The following UQCRC2 variants were observed in gnomAD, a reference collection of about 807,000 sequenced individuals.
UQCRC2 encodes ubiquinol-cytochrome c reductase core protein 2, also known as cytochrome b-c1 complex subunit 2, mitochondrial.
In UQCRC2, 49 loss-of-function variants were observed where a neutral mutation model predicts 55.6. The ratio of observed to expected loss-of-function variants is 0.88; its 90% confidence interval spans 0.70 to 1.12. UQCRC2 has a LOEUF of 1.12. UQCRC2 is among the 50% of genes most tolerant of loss of function. The pLI is 0.00. For missense variants in UQCRC2, 506 were observed against 547.8 expected, an observed-to-expected ratio of 0.92 and a Z score of 0.76; for synonymous variants, 193 against 192.0, an observed-to-expected ratio of 1.01 and a Z score of -0.04.
chr16:21,974,020 T>TC (rs1555515810), intron 11 of UQCRC2, 44 bp downstream of exon 11: 4 of 1,489,654 alleles, frequency 2.7e-6, no homozygotes. Context: ...ACAAGTTATT[T>TC]CTCCCCCCCG....
Position 21,980,655 on chromosome 16 carries a change from A to G in UQCRC2, c.1233A>G (p.Thr411=), listed in dbSNP as rs770305624. Residue 411 remains threonine, a synonymous_variant, in exon 13 of 14, where the codon ACA becomes ACG. Transcript: ENST00000268379. ...LVAGSYMPPS[T]VLQQIDSVAN... is the part of the protein sequence containing the mutation. ...CTGGTTCTTACATGCCACCATCCAC[A>G]GTCCTTCAGCAGATTGATTCAGTGG... The G allele has an allele frequency of 6.2e-7, 1 of 1,614,226 alleles. No individual in the cohort carries two copies. Among genetic ancestry groups the G allele is most frequent in the Admixed American group, 1.7e-5 (1 of 60,022 alleles).
At position 21,980,466 on chromosome 16, in the gene UQCRC2, T is replaced by G. The variant is rs1898690802; in HGVS notation, c.1125-81T>G. 8 of 1,482,126 alleles carry G rather than the reference T, an allele frequency of 5.4e-6. No individual in the cohort carries two copies. The South Asian group carries it at 1.0e-4, about 19-fold the overall frequency. The allele number at this position is 1,482,126 out of a possible 1,614,324, so 91.8% of individuals were successfully genotyped here. A position where few individuals can be genotyped will look rare whatever the true frequency, so the allele number is the denominator to read the frequency against. ...CTATCCATTAAATAAAGCTTTGATG[T>G]TCACAGCCCCCCGCCACCACTCAGA... is the stretch of plus-strand genomic sequence containing the variant. On this transcript the variant is annotated intron_variant, in intron 12 of 13. Transcript: ENST00000268379.
At chr16:21,957,175 CT>C in intron 1 of UQCRC2, 59 bp from the exon 2 acceptor site, 2 of 1,555,714 alleles carry the variant, frequency 1.3e-6, no homozygotes, top group Non-Finnish European at 1.8e-6. Flanking sequence ...AGATACCATG[CT>C]TTTATATAAA....
chr16:21,958,614 T>A lies in UQCRC2; in HGVS notation c.332+15T>A. 1.9e-6 allele frequency: 3 copies of A among 1,602,554 alleles called. No individual in the cohort carries two copies. Among genetic ancestry groups the A allele is most frequent in the Non-Finnish European group, 2.6e-6 (3 of 1,173,274 alleles). On this transcript the variant is annotated intron_variant, in intron 4 of 13. Coordinates refer to ENST00000268379, the MANE Select transcript of UQCRC2 (RefSeq NM_003366.4). ...GGCAAATTAAGGTTTGTTAAATAAG[T>A]AATAGAAAATAGTGAAAATGCCAGA...
chr16:21,978,707 G>A (rs1044801577), intron 12 of UQCRC2, among the ~76,000 whole-genome samples: 6 of 152,158 alleles, frequency 3.9e-5, no homozygotes, highest in Admixed American at 1.3e-4. Context: ...TAACGTAAAC[G>A]GTTCACGTAC....
chr16:21,962,336 T>A, intron 4 of UQCRC2, 124 bp from the exon 5 acceptor site: 4 of 1,144,612 alleles, frequency 3.5e-6, no homozygotes, highest in Non-Finnish European at 3.7e-6. Flanking sequence ...TTTTGTTATA[T>A]TATTGTTCGC....
At chr16:21,974,541 T>C (rs1197139198) in intron 11 of UQCRC2, among the ~76,000 whole-genome samples, 1 of 152,188 alleles carries the variant, frequency 6.6e-6, no homozygotes, top group Non-Finnish European at 1.5e-5. Flanking sequence ...TTCAGCAAGC[T>C]AGGACATCAT....
At chr16:21,955,548 C>T (rs6497563) in intron 1 of UQCRC2, among the ~76,000 whole-genome samples, 102,854 of 152,102 alleles carry the variant, frequency 0.68, 36,610 homozygotes, top group Non-Finnish European at 0.8. Context: ...CATTGTATAA[C>T]ATTTGCCAAA....
At chr16:21,982,033 G>A (rs1421871709) in intron 13 of UQCRC2, among the ~76,000 whole-genome samples, 1 of 151,608 alleles carries the variant, frequency 6.6e-6, no homozygotes, top group Non-Finnish European at 1.5e-5. Context: ...GTAGAGACGG[G>A]GTTTTACCAT....
chr16:21,982,076 G>A (rs1036998960), intron 13 of UQCRC2, among the ~76,000 whole-genome samples: 4 of 151,858 alleles, frequency 2.6e-5, no homozygotes, highest in Admixed American at 1.3e-4. Flanking sequence ...TCCTGACCTC[G>A]TGATCCACCC....
chr16:21,970,895 G>GA (rs143523841), intron 8 of UQCRC2, among the ~76,000 whole-genome samples: 1 of 152,096 alleles, frequency 6.6e-6, no homozygotes, highest in East Asian at 1.9e-4. Flanking sequence ...CAACTTTGGA[G>GA]AAATGTCTAT....
intron 3 of UQCRC2, 56 bp from the exon 4 acceptor site, chr16:21,958,479 G>A: frequency 2.0e-6 from 3 of 1,523,668 alleles, no homozygotes; most frequent in Non-Finnish European, 2.7e-6. Flanking sequence ...ATAGTGTGAT[G>A]TTTGGCAAAC....
chr16:21,966,815 C>T (rs921586969), intron 7 of UQCRC2, among the ~76,000 whole-genome samples: 2 of 152,158 alleles, frequency 1.3e-5, no homozygotes, highest in South Asian at 2.1e-4. Flanking sequence ...AGTTTATCTA[C>T]AAGGATGGCT....
Position 21,972,111 on chromosome 16 carries a change from C to T in UQCRC2, c.955C>T (p.Gln319Ter), listed in dbSNP as rs776921912. ...LHQAVAKATQ[Q>*]PFDVSAFNAS... ...CCAGGCTGTTGCCAAGGCAACTCAGCAGCCATTTGATGTGAGTCTGAACAG... is the reference window on the plus strand; with the variant it reads ...CCAGGCTGTTGCCAAGGCAACTCAGTAGCCATTTGATGTGAGTCTGAACAG... Residue 319 changes from glutamine (Q) to a stop codon, truncating the protein, a stop_gained, in exon 10 of 14, where the codon CAG (glutamine) becomes TAG (stop). Transcript: ENST00000268379. LOFTEE classifies it high-confidence loss of function. 3 of 1,613,426 alleles carry T rather than the reference C, an allele frequency of 1.9e-6. No individual in the cohort carries two copies. Among genetic ancestry groups the T allele is most frequent in the East Asian group, 4.5e-5 (2 of 44,858 alleles).
intron 7 of UQCRC2, among the ~76,000 whole-genome samples, chr16:21,966,295 C>T (rs1443376354): frequency 1.3e-5 from 2 of 152,146 alleles, no homozygotes; most frequent in East Asian, 1.9e-4. Flanking sequence ...CACTCATTCA[C>T]GTTCTTCAGC....
At chr16:21,978,264 T>C (rs927350816) in intron 12 of UQCRC2, among the ~76,000 whole-genome samples, 1 of 152,228 alleles carries the variant, frequency 6.6e-6, no homozygotes, top group Non-Finnish European at 1.5e-5. Context: ...AAAATCATTT[T>C]TTAATTAAGC....
chr16:21,958,352 T>G (rs893670758), intron 3 of UQCRC2, among the ~76,000 whole-genome samples, 183 bp from the exon 4 acceptor site: 2 of 152,244 alleles, frequency 1.3e-5, no homozygotes, highest in African/African-American at 2.4e-5. Context: ...ATGAATGTAC[T>G]TAATGTAAAA....
intron 13 of UQCRC2, among the ~76,000 whole-genome samples, chr16:21,982,576 A>C (rs973766326): frequency 3.9e-5 from 6 of 152,194 alleles, no homozygotes; most frequent in African/African-American, 1.4e-4. Flanking sequence ...TCAGAGAAAC[A>C]GCTAAGCTTT....
chr16:21,972,724 A>G (rs1193064153), intron 10 of UQCRC2, among the ~76,000 whole-genome samples: 1 of 152,176 alleles, frequency 6.6e-6, no homozygotes, highest in Non-Finnish European at 1.5e-5. Flanking sequence ...AATCCAATGA[A>G]GTAATTTAAT....
Sources: gnomAD v4.1 joint callset for allele counts (sites outside exome capture counted in the v4.1 genomes callset) on GRCh38, gnomAD v4.1.1 for gene constraint, MANE v1.5 for transcripts, NCBI Gene and HGNC (gene_info 2026-07-23, HGNC 2026-07-21) for gene names.